The following MYO10 variants were observed in gnomAD, a reference collection of about 807,000 sequenced individuals.
MYO10 encodes the protein myosin X, also known as unconventional myosin-X.
Under a neutral mutation model 257.3 loss-of-function variants are expected in MYO10, and 133 were observed. The ratio of observed to expected loss-of-function variants is 0.52; its 90% CI spans 0.45 to 0.60. The LOEUF (loss-of-function observed/expected upper bound fraction) is 0.60, where lower values mean the gene tolerates loss of function less well. Among genes scored for constraint, MYO10 ranks in the 20% least tolerant of loss-of-function variants. MYO10 has a pLI of 0.00. For synonymous variants in MYO10, 1,104 were observed against 1,028.6 expected (o/e 1.07, Z -1.40); for missense variants, 2,399 against 2,635.7 (o/e 0.91, Z 1.97).
chr5:16,669,184 C>G (rs925788965), intron 39 of MYO10, among the ~76,000 whole-genome samples: 1 of 151,682 alleles, frequency 6.6e-6, no homozygotes, highest in African/African-American at 2.4e-5. Context: ...CAGACATTCT[C>G]TGCATCCTCC....
chr5:16,914,220 G>A (rs34989400), intron 1 of MYO10, among the ~76,000 whole-genome samples: 9,379 of 152,228 alleles, frequency 0.062, 292 homozygotes, highest in Non-Finnish European at 0.079. Context: ...TAGGAAGTGC[G>A]GGCGGCTTGG....
intron 2 of MYO10, among the ~76,000 whole-genome samples, chr5:16,862,753 C>A (rs1376948949): frequency 1.3e-5 from 2 of 152,112 alleles, no homozygotes; most frequent in Admixed American, 6.6e-5. Context: ...AAGACAGTAG[C>A]CCACTTACCT....
At chr5:16,926,440 G>A (rs1319454428) in intron 1 of MYO10, among the ~76,000 whole-genome samples, 2 of 152,228 alleles carry the variant, frequency 1.3e-5, no homozygotes, top group Admixed American at 6.5e-5. Context: ...GGTGGCTCAC[G>A]CCTGTAATCC....
At chr5:16,840,068 A>G (rs1743430543) in intron 2 of MYO10, among the ~76,000 whole-genome samples, 1 of 152,184 alleles carries the variant, frequency 6.6e-6, no homozygotes, top group African/African-American at 2.4e-5. Flanking sequence ...GTACAAGGTT[A>G]AGCAGAGCTC....
At chr5:16,913,029 T>C (rs908388311) in intron 1 of MYO10, among the ~76,000 whole-genome samples, 2 of 151,452 alleles carry the variant, frequency 1.3e-5, no homozygotes, top group African/African-American at 4.9e-5. Flanking sequence ...CCTTTGGTTT[T>C]AGTAAAGTTC....
At chr5:16,682,147 TTATTAA>T in intron 30 of MYO10, 134 bp from the exon 31 acceptor site, 1 of 1,070,402 alleles carries the variant, frequency 9.3e-7, no homozygotes, top group Non-Finnish European at 1.3e-6. Context: ...ATCTGTGCTT[TTATTAA>T]GGCAAACGTT....
rs190784658 is a variant in MYO10, at chr5:16,723,734, T to C, written c.1930-12489A>G. 3.1e-3 allele frequency among the ~76,000 whole-genome samples: 478 copies of C among 152,322 alleles called. 2 individuals are homozygous for C. The highest frequency in any genetic ancestry group is 0.011 in the African/African-American group (455 of 41,574). On this transcript the variant is annotated intron_variant, in intron 19 of 40. Transcript: ENST00000513610. ...ATCAAGACATCCTTCAACAGGTGAA[T>C]GGACAAAGAAACTACGGTATATCCA...
At chr5:16,848,197 C>T (rs1257610449) in intron 2 of MYO10, among the ~76,000 whole-genome samples, 1 of 118,740 alleles carries the variant, frequency 8.4e-6, no homozygotes, top group Non-Finnish European at 1.6e-5. Flanking sequence ...TTGCTCTTGT[C>T]GCCCATGCTA....
chr5:16,745,737 C>T (rs1740174983), intron 19 of MYO10, among the ~76,000 whole-genome samples: 1 of 152,082 alleles, frequency 6.6e-6, no homozygotes, highest in Admixed American at 6.6e-5. Flanking sequence ...ACCTGGCTAC[C>T]TTTAAGTGTT....
intron 1 of MYO10, among the ~76,000 whole-genome samples, chr5:16,882,284 C>T (rs763729710): frequency 7.9e-5 from 12 of 152,136 alleles, no homozygotes; most frequent in Non-Finnish European, 1.5e-4. Context: ...CTGACTTTAT[C>T]AAATGTTGGT....
chr5:16,815,201 A>C (rs1316205734), intron 3 of MYO10: 1 of 441,436 alleles, frequency 2.3e-6, no homozygotes, highest in Non-Finnish European at 4.0e-6. Flanking sequence ...TAATGACAGC[A>C]AAGTATGAGT....
Position 16,758,240 on chromosome 5 carries a change from G to A in MYO10, c.1740-14C>T, listed in dbSNP as rs1258321648. The A allele has an allele frequency of 3.8e-6, 6 of 1,559,840 alleles. No homozygotes were observed. Among genetic ancestry groups the A allele is most frequent in the Middle Eastern group, 1.7e-4 (1 of 5,980 alleles). ...ATAAAGTCAAATCTGTGTGAGGCAA[G>A]AGCAGGAGGTCAGTGAGGCACACAC... On this transcript the variant is annotated splice_polypyrimidine_tract_variant and intron_variant, in intron 17 of 40. Transcript: ENST00000513610.
chr5:16,860,214 G>A (rs778085290), intron 2 of MYO10, among the ~76,000 whole-genome samples: 15 of 152,180 alleles, frequency 9.9e-5, no homozygotes, highest in Non-Finnish European at 1.9e-4. Context: ...AATGTCTCTG[G>A]AGATTTATAC....
At chr5:16,890,194 G>C (rs547870053) in intron 1 of MYO10, among the ~76,000 whole-genome samples, 6 of 151,802 alleles carry the variant, frequency 4.0e-5, no homozygotes, top group Admixed American at 2.6e-4. Context: ...GGATTAAAAG[G>C]TACATAAAAG....
Position 16,685,034 on chromosome 5 carries a change from A to G in MYO10, c.3990+704T>C, listed in dbSNP as rs142779586. Among the ~76,000 whole-genome samples, 1,117 of 152,052 alleles carry G rather than the reference A, an allele frequency of 7.3e-3. 5 individuals are homozygous for G. Among genetic ancestry groups the G allele is most frequent in the Non-Finnish European group, 0.01 (683 of 67,990 alleles). On this transcript the variant is annotated intron_variant, in intron 29 of 40. Coordinates refer to ENST00000513610, the MANE Select transcript of MYO10 (RefSeq NM_012334.3). ...GCACTTCAGCCTGGGTGACAGAGTG[A>G]GACTCCATCTCAAAAAAAAAAAATA... is the stretch of plus-strand genomic sequence containing the variant.
intron 14 of MYO10, among the ~76,000 whole-genome samples, chr5:16,763,091 T>C (rs57905801): frequency 1.6e-3 from 244 of 152,028 alleles, no homozygotes; most frequent in African/African-American, 5.2e-3. Context: ...GGAAAATCCA[T>C]AATGATACAC....
intron 21 of MYO10, among the ~76,000 whole-genome samples, chr5:16,706,042 G>A (rs1180294934): frequency 6.6e-6 from 1 of 152,032 alleles, no homozygotes; most frequent in Non-Finnish European, 1.5e-5. Context: ...AAATTAGCCA[G>A]GCATGGTGGG....
intron 2 of MYO10, among the ~76,000 whole-genome samples, chr5:16,837,307 T>C (rs1743344652): frequency 6.6e-6 from 1 of 151,554 alleles, no homozygotes; most frequent in African/African-American, 2.4e-5. Context: ...CAAAATTCCG[T>C]CTCAAAAGAA....
At chr5:16,802,382 G>A (rs915661185) in intron 3 of MYO10, among the ~76,000 whole-genome samples, 1 of 152,008 alleles carries the variant, frequency 6.6e-6, no homozygotes, top group Non-Finnish European at 1.5e-5. Flanking sequence ...ATAGGAGCCG[G>A]GTGCAGTGGC....
Sources: allele counts gnomAD v4.1 joint callset (sites outside exome capture counted in the v4.1 genomes callset), GRCh38; gene constraint gnomAD v4.1.1; transcripts MANE v1.5; gene names NCBI Gene and HGNC (gene_info 2026-07-23, HGNC 2026-07-21).